The following PSD2 variants were observed in gnomAD, a reference collection of about 807,000 sequenced individuals.
PSD2 encodes the protein PH and SEC7 domain-containing protein 2.
Under a neutral mutation model 69.8 loss-of-function variants are expected in PSD2, and 38 were observed. The observed-to-expected ratio is 0.54, with a 90% confidence interval of 0.42 to 0.71. The LOEUF is 0.71. Ranked by LOEUF, PSD2 falls within the 30% of genes least tolerant of loss-of-function variation. The pLI is 0.00. For missense variants in PSD2, 943 were observed against 1,014.5 expected (o/e 0.93, Z 0.96); for synonymous variants, 412 against 423.0 (o/e 0.97, Z 0.32).
At chr5:139,772,637 G>T in the PSD2 span, 1 of 152,230 alleles carries the variant, frequency 6.6e-6, no homozygotes, top group African/African-American at 2.4e-5. Context: ...TGCAGCTCAG[G>T]TCTCCTGGAT....
intron 1 of PSD2, among the ~76,000 whole-genome samples, chr5:139,808,285 G>A (rs1759861802): frequency 6.6e-6 from 1 of 152,210 alleles, no homozygotes; most frequent in South Asian, 2.1e-4. Flanking sequence ...AGGGGAGGAG[G>A]GGAGAGCCAG....
At position 139,839,035 on chromosome 5, in the gene PSD2, A is replaced by G. The variant is rs567234904; in HGVS notation, c.1968+263A>G. 7.3e-4 allele frequency among the ~76,000 whole-genome samples: 111 copies of G among 152,230 alleles called. 1 individual carries two copies. Among genetic ancestry groups the G allele is most frequent in the Non-Finnish European group, 5.6e-4 (38 of 68,026 alleles). On this transcript the variant is annotated intron_variant, in intron 13 of 14. Coordinates refer to ENST00000274710, the MANE Select transcript of PSD2 (RefSeq NM_032289.4). The surrounding 1 kb of genome is among the most constrained non-coding windows in gnomAD (Gnocchi z 5.1). ...CAGTGCATCCCTGTGGATGTGACCG[A>G]GAGTTGGTGGCCTTGTGTGCACCTG... is the stretch of plus-strand genomic sequence containing the variant.
At chr5:139,802,363 T>C (rs2126925923) in intron 1 of PSD2, among the ~76,000 whole-genome samples, 1 of 152,140 alleles carries the variant, frequency 6.6e-6, no homozygotes, top group South Asian at 2.1e-4. Context: ...GGGGAGCTAC[T>C]CAGAGGTGGA....
intron 7 of PSD2, among the ~76,000 whole-genome samples, chr5:139,833,074 C>T (rs574020558): frequency 6.6e-6 from 1 of 152,092 alleles, no homozygotes; most frequent in Non-Finnish European, 1.5e-5. Context: ...TCACCTATGT[C>T]TTGGAAGGCT....
At chr5:139,823,137 A>G (rs1760315868) in intron 7 of PSD2, among the ~76,000 whole-genome samples, 1 of 152,010 alleles carries the variant, frequency 6.6e-6, no homozygotes, top group African/African-American at 2.4e-5. Flanking sequence ...AGCCCCTCCC[A>G]AATCCCCGGC....
intron 5 of PSD2, among the ~76,000 whole-genome samples, chr5:139,820,753 A>G (rs1274966266): frequency 1.3e-5 from 2 of 152,140 alleles, no homozygotes; most frequent in African/African-American, 4.8e-5. Context: ...CCAGCAGAGG[A>G]AGGACGGGTG....
intron 14 of PSD2, 146 bp downstream of exon 14, chr5:139,840,316 TTTAGTC>T: frequency 2.3e-6 from 2 of 867,722 alleles, no homozygotes; most frequent in Non-Finnish European, 3.5e-6. Flanking sequence ...TCCCCTGACC[TTTAGTC>T]CCCAGTCCTT....
intron 1 of PSD2, among the ~76,000 whole-genome samples, chr5:139,800,202 T>A (rs868599436): frequency 3.9e-5 from 6 of 152,228 alleles, no homozygotes; most frequent in African/African-American, 1.4e-4. Flanking sequence ...CTTCACACTT[T>A]CTTGGCAAAA....
intron 7 of PSD2, among the ~76,000 whole-genome samples, chr5:139,827,614 G>A (rs1760460001): frequency 6.6e-6 from 1 of 152,202 alleles, no homozygotes; most frequent in Non-Finnish European, 1.5e-5. Flanking sequence ...CCCTGAGACT[G>A]GGTAATTTGT....
the PSD2 span, among the ~76,000 whole-genome samples, chr5:139,780,857 T>G: frequency 6.6e-6 from 1 of 152,230 alleles, no homozygotes; most frequent in Admixed American, 6.5e-5. Context: ...GGTTAACTCA[T>G]TCAGACTTTG....
the PSD2 span, chr5:139,744,949 G>C: frequency 6.6e-6 from 1 of 152,496 alleles, no homozygotes; most frequent in Non-Finnish European, 1.5e-5. Context: ...TTGAGGCCCA[G>C]AGATGTGCGA....
At chr5:139,761,433 G>A in the PSD2 span, among the ~76,000 whole-genome samples, 1 of 152,130 alleles carries the variant, frequency 6.6e-6, no homozygotes, top group Admixed American at 6.5e-5. Context: ...CACCTGTCAG[G>A]GTCTCCATGC....
chr5:139,814,155 A>G lies in PSD2; in HGVS notation c.822-15A>G, dbSNP rs1159271490. ...GGCCTCTGACGCTACTCTTCCACCC[A>G]CCTTCCATCTGCAGTGACCCCAGCC... On this transcript the variant is annotated splice_polypyrimidine_tract_variant and intron_variant, in intron 3 of 14. Transcript: ENST00000274710. This position sits in a 1 kb window ranked among gnomAD's most constrained non-coding sequence, Gnocchi z 4.4. 7 of 1,608,682 alleles carry G rather than the reference A, an allele frequency of 4.4e-6. No homozygotes were observed. In the Admixed American group the frequency reaches 6.8e-5, roughly 16 times the overall value.
At chr5:139,792,703 T>C (rs147440097), upstream of PSD2, among the ~76,000 whole-genome samples, 282 of 152,048 alleles carry the variant, frequency 1.9e-3, 1 homozygote, top group African/African-American at 6.4e-3. Flanking sequence ...GCTGTCTTTC[T>C]TTCTCTTTCT....
At chr5:139,769,284 G>C in the PSD2 span, among the ~76,000 whole-genome samples, 4 of 152,094 alleles carry the variant, frequency 2.6e-5, no homozygotes, top group Admixed American at 1.3e-4. Flanking sequence ...GGCGGGGGTT[G>C]GGGGAGAGGA....
chr5:139,788,509 G>T, the PSD2 span, among the ~76,000 whole-genome samples: 3 of 152,170 alleles, frequency 2.0e-5, no homozygotes, highest in Non-Finnish European at 1.5e-5. Context: ...CCTCCACTAG[G>T]GTAGAGACTG....
At chr5:139,820,457 C>T (rs556435303) in intron 5 of PSD2, among the ~76,000 whole-genome samples, 13 of 152,140 alleles carry the variant, frequency 8.5e-5, no homozygotes, top group Admixed American at 2.0e-4. Context: ...GATTGGATTT[C>T]GAGAGTACTC....
At chr5:139,761,874 C>T in the PSD2 span, among the ~76,000 whole-genome samples, 1 of 152,092 alleles carries the variant, frequency 6.6e-6, no homozygotes, top group Non-Finnish European at 1.5e-5. Flanking sequence ...AAGGTGAGTT[C>T]CCAATACCAG....
intron 7 of PSD2, among the ~76,000 whole-genome samples, chr5:139,830,563 TTC>T (rs1452510529): frequency 4.0e-4 from 56 of 138,772 alleles, no homozygotes; most frequent in African/African-American, 1.6e-3. Flanking sequence ...CCTTCCTTCC[TTC>T]CTTTCTTTCT....
Sources: allele counts gnomAD v4.1 joint callset (sites outside exome capture counted in the v4.1 genomes callset), GRCh38; gene constraint gnomAD v4.1.1; non-coding constraint Gnocchi (gnomAD v3.1); transcripts MANE v1.5; gene names NCBI Gene and HGNC (gene_info 2026-07-23, HGNC 2026-07-21).